SMARCC1: variants seen among roughly 807,000 people sequenced by gnomAD.
SMARCC1 encodes the protein SWI/SNF complex subunit SMARCC1.
Under a neutral mutation model 147.4 loss-of-function variants are expected in SMARCC1, and 43 were observed. The observed-to-expected ratio is 0.29, with a 90% CI of 0.23 to 0.38. The LOEUF is 0.38. Ranked by LOEUF, SMARCC1 falls within the 10% of genes least tolerant of loss-of-function variation. The probability of loss-of-function intolerance (pLI) is 1.00; values close to 1 mark genes in which losing one functional copy is unlikely to be tolerated. For synonymous variants in SMARCC1, 495 were observed against 484.4 expected, an observed-to-expected ratio of 1.02 and a Z score of -0.29; for missense variants, 1,119 against 1,381.1, an observed-to-expected ratio of 0.81 and a Z score of 3.01.
intron 2 of SMARCC1, among the ~76,000 whole-genome samples, chr3:47,747,929 G>A (rs574496245): frequency 1.3e-5 from 2 of 151,842 alleles, no homozygotes; most frequent in East Asian, 2.0e-4. Flanking sequence ...AGGCCAAAGC[G>A]GGTGGATCAT....
rs767152930 is a variant in SMARCC1, at chr3:47,772,940, C to T, written c.196-4G>A. 23 of 1,609,592 alleles carry T rather than the reference C, an allele frequency of 1.4e-5. No homozygotes were observed. Among genetic ancestry groups the T allele is most frequent in the Non-Finnish European group, 1.7e-5 (20 of 1,177,678 alleles). The stretch of plus-strand genomic sequence containing the variant: ...TAGGAGCATCCGCATGAACATACTG[C>T]AAGATAAAGACAGGCATTCAAAAAC... On this transcript the variant is annotated splice_polypyrimidine_tract_variant and splice_region_variant and intron_variant, in intron 1 of 27. Coordinates refer to ENST00000254480, the MANE Select transcript of SMARCC1 (RefSeq NM_003074.4).
chr3:47,607,779 C>T (rs1438666961), intron 26 of SMARCC1, among the ~76,000 whole-genome samples: 17 of 152,046 alleles, frequency 1.1e-4, no homozygotes, highest in Non-Finnish European at 2.9e-5. Context: ...CACAGTGGAA[C>T]GTGCCTATAA....
chr3:47,711,280 G>A (rs2034082247), intron 8 of SMARCC1, among the ~76,000 whole-genome samples: 1 of 152,144 alleles, frequency 6.6e-6, no homozygotes, highest in Admixed American at 6.6e-5. Flanking sequence ...ACAGTCAGAT[G>A]GTGGGTTCTT....
intron 21 of SMARCC1, among the ~76,000 whole-genome samples, chr3:47,639,115 A>AATT (rs1409778063): frequency 6.6e-6 from 1 of 152,186 alleles, no homozygotes; most frequent in Non-Finnish European, 1.5e-5. Flanking sequence ...GTAGAAATGA[A>AATT]CTAGGCTGTC....
intron 11 of SMARCC1, among the ~76,000 whole-genome samples, chr3:47,694,349 C>A (rs919796081): frequency 2.0e-5 from 3 of 152,100 alleles, no homozygotes; most frequent in African/African-American, 7.2e-5. Flanking sequence ...GCCTGTAATC[C>A]CAGCACTTTG....
chr3:47,636,166 C>A (rs2032965814), intron 22 of SMARCC1, 30 bp from the exon 23 acceptor site: 1 of 1,272,038 alleles, frequency 7.9e-7, no homozygotes, highest in Non-Finnish European at 1.1e-6. Flanking sequence ...AGAGGACAGG[C>A]AGTGAACAAA....
chr3:47,707,230 T>G (rs2106794085), intron 9 of SMARCC1, among the ~76,000 whole-genome samples: 1 of 152,044 alleles, frequency 6.6e-6, no homozygotes, highest in Non-Finnish European at 1.5e-5. Context: ...GAGAACTGCT[T>G]GAACCCGGTA....
chr3:47,773,008 T>A, intron 1 of SMARCC1, 72 bp from the exon 2 acceptor site: 1 of 1,426,158 alleles, frequency 7.0e-7, no homozygotes, highest in East Asian at 2.3e-5. Context: ...TACTTCCTAG[T>A]ACCTACTAAG....
At chr3:47,667,035 G>T (rs1321454375) in intron 19 of SMARCC1, among the ~76,000 whole-genome samples, 3 of 151,952 alleles carry the variant, frequency 2.0e-5, no homozygotes, top group Admixed American at 1.3e-4. Context: ...AGAGAAACTC[G>T]GGCCAGGCAC....
chr3:47,622,449 C>T (rs968932935), intron 24 of SMARCC1, 108 bp from the exon 25 acceptor site: 11 of 1,011,168 alleles, frequency 1.1e-5, no homozygotes, highest in Non-Finnish European at 1.7e-5. Context: ...ACAATGGTAC[C>T]CTATATGTCT....
intron 2 of SMARCC1, among the ~76,000 whole-genome samples, chr3:47,763,014 C>T (rs1172399110): frequency 6.6e-6 from 1 of 151,098 alleles, no homozygotes; most frequent in East Asian, 2.0e-4. Context: ...TGCAGTGAGC[C>T]GAGATCACGC....
intron 2 of SMARCC1, among the ~76,000 whole-genome samples, chr3:47,757,556 C>G (rs1228970885): frequency 6.6e-6 from 1 of 152,032 alleles, no homozygotes; most frequent in African/African-American, 2.4e-5. Flanking sequence ...GCAGGTGGAT[C>G]ATGAGGTCAG....
At chr3:47,604,375 T>C in intron 26 of SMARCC1, 1 of 442,908 alleles carries the variant, frequency 2.3e-6, no homozygotes, top group South Asian at 1.6e-5. Context: ...ATTCCCATCA[T>C]ATATCATAAA....
chr3:47,590,730 GAGGGGT>G lies in SMARCC1; in HGVS notation c.3145_3150del (p.Thr1049_Pro1050del), dbSNP rs1559620322. ...TTTCCTGGCATTGGTGGCATGCCAGGAGGGGTAGGGCCACTCCCAGAGGGGTGGATG... is the reference window on the plus strand; with the variant it reads ...TTTCCTGGCATTGGTGGCATGCCAGGAGGGCCACTCCCAGAGGGGTGGATG... On this transcript the variant is annotated inframe_deletion, in exon 27 of 28. Transcript: ENST00000254480. 1.9e-6 allele frequency: 3 copies of G among 1,591,362 alleles called. No homozygotes were observed. In the Admixed American group the frequency reaches 5.6e-5, roughly 30 times the overall value.
intron 1 of SMARCC1, among the ~76,000 whole-genome samples, chr3:47,774,387 C>A (rs1289688103): frequency 6.6e-6 from 1 of 151,908 alleles, no homozygotes; most frequent in Admixed American, 6.6e-5. Context: ...GTGACAGAGC[C>A]AGACTCCGTC....
chr3:47,766,180 C>A (rs192254646), intron 2 of SMARCC1, among the ~76,000 whole-genome samples: 1 of 152,270 alleles, frequency 6.6e-6, no homozygotes, highest in African/African-American at 2.4e-5. Flanking sequence ...TTACTTGAGA[C>A]TCTCACTTAA....
At chr3:47,693,152 G>T in intron 12 of SMARCC1, 89 bp downstream of exon 12, 4 of 841,416 alleles carry the variant, frequency 4.8e-6, no homozygotes, top group South Asian at 2.9e-5. Flanking sequence ...CTGACCAACA[G>T]AACAAGACCT....
chr3:47,695,511 A>G (rs2033837773), intron 11 of SMARCC1, among the ~76,000 whole-genome samples: 3 of 152,092 alleles, frequency 2.0e-5, no homozygotes, highest in Admixed American at 2.0e-4. Context: ...TCATGCTTGT[A>G]ATCGCAGAAC....
Position 47,705,089 on chromosome 3 carries a change from C to T in SMARCC1, c.1040+1320G>A, listed in dbSNP as rs1000491720. ...CTGTAATCCCAGCACTTTGGGAGGC[C>T]GAGGCAGGTGGATCACGAGGTCAGG... On this transcript the variant is annotated intron_variant, in intron 10 of 27. Transcript: ENST00000254480. Among the ~76,000 whole-genome samples the T allele has an allele frequency of 1.8e-4, 28 of 151,468 alleles. 1 individual carries two copies. The highest frequency in any genetic ancestry group is 1.9e-4 in the East Asian group (1 of 5,148).
Sources: gnomAD v4.1 joint callset for allele counts (sites outside exome capture counted in the v4.1 genomes callset) on GRCh38, gnomAD v4.1.1 for gene constraint, MANE v1.5 for transcripts, NCBI Gene and HGNC (gene_info 2026-07-23, HGNC 2026-07-21) for gene names.